RNF213: variants seen among roughly 807,000 people sequenced by gnomAD.
The protein encoded by RNF213 is ring finger protein 213.
In RNF213, 341 loss-of-function variants were observed where a neutral mutation model predicts 514.4. That is an observed-to-expected ratio of 0.66 (90% confidence interval 0.61 to 0.73). The LOEUF (loss-of-function observed/expected upper bound fraction) is 0.73. RNF213 is among the 30% of genes least tolerant of loss of function. RNF213 has a pLI of 0.00. For missense variants in RNF213, 5,767 were observed against 6,615.6 expected (o/e 0.87, Z 4.45); for synonymous variants, 2,655 against 2,658.2 (o/e 1.00, Z 0.04).
chr17:80,358,156 G>A, intron 36 of RNF213, 132 bp from the exon 37 acceptor site: 1 of 702,642 alleles, frequency 1.4e-6, no homozygotes, highest in Non-Finnish European at 2.5e-6. Flanking sequence ...AGTTATTGCT[G>A]TCGCTGTAGT....
Position 80,347,570 on chromosome 17 carries a change from G to A in RNF213, c.9235G>A (p.Glu3079Lys). The change falls in exon 29 of 68, where the codon GAG becomes AAG. Residue 3079 changes from glutamate to lysine, a missense_variant. Physicochemically the swap from Glu to Lys is moderately conservative, Grantham distance 56 (BLOSUM62 1). This residue lies in a region of RNF213 where 919 missense variants were observed against 1,121.0 expected (regional missense o/e 0.82). Transcript: ENST00000582970. This position sits in a 1 kb window ranked among gnomAD's most constrained non-coding sequence, Gnocchi z 7.2. The part of the protein sequence containing the change: ...IFGSGFPKDQ[E>K]YTQLCRNINR... The stretch of plus-strand genomic sequence containing the variant: ...TGGTTCTGGTTTCCCCAAGGACCAA[G>A]AGTACACCCAGCTCTGCAGAAACAT... 6.2e-7 allele frequency: 1 copy of A among 1,614,172 alleles called. No individual in the cohort carries two copies.
rs144374952 is a variant in RNF213 at position 80,346,692 on chromosome 17, T to C, written c.8357T>C (p.Met2786Thr). 1.2e-6 allele frequency: 2 copies of C among 1,611,248 alleles called. No homozygotes were observed. Among genetic ancestry groups the C allele is most frequent in the South Asian group, 1.1e-5 (1 of 91,076 alleles). ...SLAKTIVADA[M>T]QGPAAYSDLF... is the part of the protein sequence containing the mutation. ...GCCAAGACCATCGTGGCAGACGCCATGCAGGGCCCGGCTGCCTACTCAGAT... is the reference window on the plus strand; with the variant it reads ...GCCAAGACCATCGTGGCAGACGCCACGCAGGGCCCGGCTGCCTACTCAGAT... Residue 2786 changes from methionine (M) to threonine (T), a missense_variant, in exon 29 of 68, where the codon ATG (methionine) becomes ACG (threonine). By Grantham distance (81) the Met-to-Thr change is moderately conservative. Transcript: ENST00000582970. The surrounding 1 kb of genome is among the most constrained non-coding windows in gnomAD (Gnocchi z 8.1).
rs550702559 is a variant in RNF213, at chr17:80,355,272, C to G, written c.10862+696C>G. On this transcript the variant is annotated intron_variant, in intron 36 of 67. Coordinates refer to ENST00000582970, the MANE Select transcript of RNF213 (RefSeq NM_001256071.3). ...TGCCAGTGATAGGTTCGCTTTGGGC[C>G]TACAGCCAGGTGTGATCTGCAGGAG... is the stretch of plus-strand genomic sequence containing the variant. The G allele has an allele frequency of 1.1e-3, 516 of 449,372 alleles. 5 individuals are homozygous for G. The highest frequency in any genetic ancestry group is 7.9e-3 in the South Asian group (506 of 64,292). 27.8% of individuals were successfully genotyped at this position (449,372 alleles called of 1,614,324 possible). A position where few individuals can be genotyped will look rare whatever the true frequency, so the allele number is the denominator to read the frequency against.
rs1280898350 is a variant in RNF213 at position 80,394,376 on chromosome 17, C to T, written c.*878C>T. ...AGTGTGCTCTCGCATGTATGAATAT[C>T]TAGTCCTTTCTGTGGTTCTCAGCCA... On this transcript the variant is annotated 3_prime_UTR_variant, in exon 68 of 68. Coordinates refer to ENST00000582970, the MANE Select transcript of RNF213 (RefSeq NM_001256071.3). 6.6e-6 allele frequency: 1 copy of T among 152,204 alleles called. No individual in the cohort carries two copies. The highest frequency in any genetic ancestry group is 1.5e-5 in the Non-Finnish European group (1 of 68,036). 9.4% of individuals were successfully genotyped at this position (152,204 alleles called of 1,614,324 possible).
Position 80,345,259 on chromosome 17 carries a change from C to G in RNF213, c.6924C>G (p.Phe2308Leu). The G allele has an allele frequency of 6.2e-7, 1 of 1,614,114 alleles. No individual in the cohort carries two copies. Among genetic ancestry groups the G allele is most frequent in the Non-Finnish European group, 8.5e-7 (1 of 1,180,024 alleles). The stretch of plus-strand genomic sequence containing the variant: ...CGGAGCCTCACCCATACGTTTTCTT[C>G]AATGACGACCACACAACCATGACAT... The part of the protein sequence containing the change: ...WESEPHPYVF[F>L]NDDHTTMTFI... Residue 2308 changes from phenylalanine to leucine, a missense_variant, in exon 29 of 68, where the codon TTC becomes TTG. By Grantham distance (22) the Phe-to-Leu change is conservative. Around this residue, in one of 13 missense-constraint regions of RNF213, gnomAD observed 1,377 missense variants for 1,635.2 expected, o/e 0.84. Coordinates refer to ENST00000582970, the MANE Select transcript of RNF213 (RefSeq NM_001256071.3). This position sits in a 1 kb window ranked among gnomAD's most constrained non-coding sequence, Gnocchi z 6.0.
chr17:80,349,851 A>T lies in RNF213; in HGVS notation c.10033A>T (p.Thr3345Ser), dbSNP rs2078440192. ...SEVTGRAPKPTLLWLQQFDTE... is the reference protein window; with the variant it reads ...SEVTGRAPKPSLLWLQQFDTE... ...GGTCACAGGCAGGGCTCCGAAACCC[A>T]CACTCCTGTGGCTGCAGCAGTTTGA... The change falls in exon 30 of 68, where the codon ACA (threonine) becomes TCA (serine). Residue 3345 changes from threonine (T) to serine (S), a missense_variant. Physicochemically the swap from Thr to Ser is moderately conservative, Grantham distance 58. Around this residue, in one of 13 missense-constraint regions of RNF213, gnomAD observed 919 missense variants for 1,121.0 expected, o/e 0.82. Transcript: ENST00000582970. 2 of 1,614,040 alleles carry T rather than the reference A, an allele frequency of 1.2e-6. No individual in the cohort carries two copies. The highest frequency in any genetic ancestry group is 1.7e-5 in the Admixed American group (1 of 60,008).
intron 11 of RNF213, among the ~76,000 whole-genome samples, chr17:80,302,822 C>G (rs1191063194): frequency 2.0e-5 from 3 of 152,110 alleles, no homozygotes; most frequent in African/African-American, 7.2e-5. Context: ...TCCAGATTCC[C>G]TAGAAGTTGA....
chr17:80,275,908 C>T (rs1210575713), intron 3 of RNF213, among the ~76,000 whole-genome samples: 5 of 151,250 alleles, frequency 3.3e-5, no homozygotes, highest in South Asian at 2.1e-4. Flanking sequence ...GTGATCCACC[C>T]GCCTCGGCCT....
At chr17:80,300,694 C>A (rs950869170) in intron 11 of RNF213, among the ~76,000 whole-genome samples, 4 of 151,834 alleles carry the variant, frequency 2.6e-5, no homozygotes, top group African/African-American at 9.7e-5. Context: ...GCTGGGACCA[C>A]AGGCACCCCA....
intron 67 of RNF213, among the ~76,000 whole-genome samples, chr17:80,391,159 G>A (rs1396088274): frequency 3.9e-5 from 6 of 152,156 alleles, no homozygotes; most frequent in Non-Finnish European, 2.9e-5. Context: ...TTACATAGTT[G>A]CCAATCTAAA....
chr17:80,289,917 G>A (rs2044630478), intron 6 of RNF213, 80 bp downstream of exon 6: 2 of 1,426,744 alleles, frequency 1.4e-6, no homozygotes, highest in Non-Finnish European at 1.9e-6. Flanking sequence ...ACTCTCAGGG[G>A]ATATCCAGGC....
chr17:80,375,946 C>G, intron 51 of RNF213, 76 bp downstream of exon 51: 1 of 1,100,202 alleles, frequency 9.1e-7, no homozygotes, highest in Non-Finnish European at 1.4e-6. Flanking sequence ...TGAAAGTTAT[C>G]AACACAAATC....
chr17:80,369,373 G>C, intron 44 of RNF213, 129 bp from the exon 45 acceptor site: 1 of 917,768 alleles, frequency 1.1e-6, no homozygotes, highest in Non-Finnish European at 1.8e-6. Context: ...ACTCCAGCCT[G>C]GGCAACAAGA....
intron 8 of RNF213, chr17:80,292,074 A>C: frequency 3.5e-6 from 2 of 576,426 alleles, no homozygotes; most frequent in Non-Finnish European, 6.2e-6. Context: ...TTGCAGGAGG[A>C]AACATGCAAA....
At chr17:80,284,070 A>G (rs1415020868) in intron 3 of RNF213, among the ~76,000 whole-genome samples, 4 of 151,436 alleles carry the variant, frequency 2.6e-5, no homozygotes, top group Admixed American at 2.6e-4. Flanking sequence ...TAAAAATATG[A>G]AAATTACGGC....
At chr17:80,283,910 ATTAT>A (rs1860353526) in intron 3 of RNF213, among the ~76,000 whole-genome samples, 1 of 152,204 alleles carries the variant, frequency 6.6e-6, no homozygotes, top group African/African-American at 2.4e-5. Flanking sequence ...TTGAGGTTTG[ATTAT>A]TTTAACCATT....
At chr17:80,319,120 T>G (rs1410849551) in intron 16 of RNF213, 70 bp from the exon 17 acceptor site, 1 of 1,612,974 alleles carries the variant, frequency 6.2e-7, no homozygotes, top group Non-Finnish European at 8.5e-7. Flanking sequence ...GATGAAAGAA[T>G]TTTCATCCCA....
At chr17:80,386,660 G>A (rs758723405) in intron 62 of RNF213, 30 bp from the exon 63 acceptor site, 2 of 1,611,830 alleles carry the variant, frequency 1.2e-6, no homozygotes, top group Non-Finnish European at 1.7e-6. Flanking sequence ...GCCTGGCCTG[G>A]ACGCTGAGCG....
chr17:80,319,827 C>T (rs2046078675), intron 17 of RNF213: 1 of 1,206,576 alleles, frequency 8.3e-7, no homozygotes. Flanking sequence ...CATGAGGAAG[C>T]TCCCTGCTGG....
Sources: gnomAD v4.1 joint callset for allele counts (sites outside exome capture counted in the v4.1 genomes callset) on GRCh38, gnomAD v4.1.1 for gene constraint, gnomAD v4.1.1 regional missense constraint, Gnocchi (gnomAD v3.1) non-coding constraint, MANE v1.5 for transcripts, NCBI Gene and HGNC (gene_info 2026-07-23, HGNC 2026-07-21) for gene names.